DLG2: variants seen among roughly 807,000 people sequenced by gnomAD.
DLG2 encodes the protein disks large homolog 2.
DLG2 carries 45 observed loss-of-function variants against 132.5 expected under a neutral mutation model. The observed-to-expected ratio is 0.34, with a 90% CI of 0.27 to 0.44. The LOEUF (loss-of-function observed/expected upper bound fraction) is 0.44. Ranked by LOEUF, DLG2 falls within the 20% of genes least tolerant of loss-of-function variation. The pLI is 1.00. For synonymous variants in DLG2, 424 were observed against 419.6 expected, an observed-to-expected ratio of 1.01 and a Z score of -0.13; for missense variants, 1,045 against 1,196.9, an observed-to-expected ratio of 0.87 and a Z score of 1.87.
intron 18 of DLG2, among the ~76,000 whole-genome samples, chr11:83,679,959 TTA>T (rs926915328): frequency 1.3e-5 from 2 of 152,150 alleles, no homozygotes; most frequent in Non-Finnish European, 2.9e-5. Flanking sequence ...TCAAAGGAAA[TTA>T]TATGTGTCAC....
intron 4 of DLG2, among the ~76,000 whole-genome samples, chr11:85,270,545 G>A (rs1256724405): frequency 6.6e-6 from 1 of 152,214 alleles, no homozygotes; most frequent in Non-Finnish European, 1.5e-5. Flanking sequence ...GTAACAGGCA[G>A]AGGTTGGAAC....
chr11:83,698,795 C>CT (rs1186048487), intron 18 of DLG2, among the ~76,000 whole-genome samples: 1 of 152,040 alleles, frequency 6.6e-6, no homozygotes, highest in Non-Finnish European at 1.5e-5. Flanking sequence ...TATGTTATCT[C>CT]TTCCACATCC....
At chr11:83,681,715 G>A (rs2078848313) in intron 18 of DLG2, 1 of 152,170 alleles carries the variant, frequency 6.6e-6, no homozygotes, top group African/African-American at 2.4e-5. Context: ...ATCTTGCCTT[G>A]CACAGGTTCA....
chr11:85,622,000 T>C (rs943293400), intron 2 of DLG2, among the ~76,000 whole-genome samples: 10 of 152,230 alleles, frequency 6.6e-5, no homozygotes, highest in African/African-American at 2.4e-4. Flanking sequence ...ATTGTTGTCC[T>C]ATTTTAACAA....
intron 6 of DLG2, among the ~76,000 whole-genome samples, chr11:84,787,610 T>C (rs1565961963): frequency 6.6e-6 from 1 of 152,198 alleles, no homozygotes; most frequent in Non-Finnish European, 1.5e-5. Flanking sequence ...CCTATATGTG[T>C]ATTTCCTCTA....
At chr11:84,802,639 C>CAAA (rs1295934007) in intron 6 of DLG2, among the ~76,000 whole-genome samples, 8 of 88,038 alleles carry the variant, frequency 9.1e-5, no homozygotes, top group African/African-American at 4.4e-5. Context: ...AACAAGTCAG[C>CAAA]AAAAAAAAAA....
intron 9 of DLG2, among the ~76,000 whole-genome samples, chr11:84,118,355 A>G (rs375144683): frequency 2.6e-5 from 4 of 152,170 alleles, no homozygotes; most frequent in Admixed American, 2.0e-4. Context: ...ATTTGCCTCC[A>G]TGGTTTCTCC....
intron 8 of DLG2, among the ~76,000 whole-genome samples, chr11:84,189,769 G>C (rs1566873100): frequency 6.6e-6 from 1 of 152,112 alleles, no homozygotes; most frequent in Non-Finnish European, 1.5e-5. Flanking sequence ...GGAGCTGAAT[G>C]ATAAGAACAC....
intron 3 of DLG2, among the ~76,000 whole-genome samples, chr11:85,528,678 G>A (rs550697214): frequency 6.6e-6 from 1 of 152,322 alleles, no homozygotes; most frequent in East Asian, 1.9e-4. Context: ...CCCCAAATCA[G>A]AGTAGTTACA....
chr11:84,760,300 G>A (rs958828762), intron 6 of DLG2, among the ~76,000 whole-genome samples: 1 of 152,130 alleles, frequency 6.6e-6, no homozygotes, highest in African/African-American at 2.4e-5. Context: ...ATAAAGGTTC[G>A]GCTTTAGCCT....
chr11:83,482,355 CAT>C (rs1035896097), intron 22 of DLG2, among the ~76,000 whole-genome samples: 13 of 151,988 alleles, frequency 8.6e-5, no homozygotes, highest in African/African-American at 1.4e-4. Context: ...AAAAATTAAA[CAT>C]GTGATACAGT....
chr11:84,157,895 G>A (rs144525460), intron 9 of DLG2, among the ~76,000 whole-genome samples: 43 of 152,254 alleles, frequency 2.8e-4, no homozygotes, highest in African/African-American at 8.7e-4. Flanking sequence ...AGGAGGAGTC[G>A]TCAACTTGTT....
intron 11 of DLG2, among the ~76,000 whole-genome samples, chr11:83,997,115 TA>T (rs773311816): frequency 0.12 from 5,511 of 46,288 alleles, 297 homozygotes; most frequent in African/African-American, 0.3. Flanking sequence ...TCACAAAAAC[TA>T]AAAGTAAAAA....
chr11:83,779,499 C>G (rs2094720154), intron 18 of DLG2, among the ~76,000 whole-genome samples: 1 of 152,040 alleles, frequency 6.6e-6, no homozygotes, highest in African/African-American at 2.4e-5. Context: ...TTTTTTGACC[C>G]CTTTATGTCC....
chr11:85,061,649 A>T (rs945025770), intron 6 of DLG2, among the ~76,000 whole-genome samples: 6 of 151,890 alleles, frequency 4.0e-5, no homozygotes, highest in African/African-American at 1.4e-4. Flanking sequence ...ACATAATTTT[A>T]AACTTCTCTA....
chr11:83,563,997 A>G (rs1565822605), intron 19 of DLG2, among the ~76,000 whole-genome samples: 1 of 152,334 alleles, frequency 6.6e-6, no homozygotes, highest in East Asian at 1.9e-4. Context: ...ATTTTTTATC[A>G]AATAGCAGAT....
intron 15 of DLG2, among the ~76,000 whole-genome samples, chr11:83,919,372 C>T (rs1591011999): frequency 6.6e-6 from 1 of 152,054 alleles, no homozygotes; most frequent in East Asian, 1.9e-4. Flanking sequence ...GTTTCCCATG[C>T]AGAGTCTCTG....
At chr11:84,463,214 G>A (rs2099085102) in intron 7 of DLG2, among the ~76,000 whole-genome samples, 1 of 151,090 alleles carries the variant, frequency 6.6e-6, no homozygotes, top group African/African-American at 2.4e-5. Flanking sequence ...CTCTTACCAG[G>A]CAGTGTCTTT....
chr11:85,335,913 C>G (rs964080195), intron 3 of DLG2, among the ~76,000 whole-genome samples: 4 of 152,110 alleles, frequency 2.6e-5, no homozygotes, highest in Non-Finnish European at 5.9e-5. Flanking sequence ...CCTGCATGTT[C>G]TGCACATGTA....
Sources: gnomAD v4.1 joint callset for allele counts (sites outside exome capture counted in the v4.1 genomes callset) on GRCh38, gnomAD v4.1.1 for gene constraint, MANE v1.5 for transcripts, NCBI Gene and HGNC (gene_info 2026-07-23, HGNC 2026-07-21) for gene names.